Variants in RALA observed in about 807,000 individuals in gnomAD.
The protein encoded by RALA is ras-related protein Ral-A.
RALA carries 5 observed loss-of-function variants against 24.0 expected under a neutral mutation model. The ratio of observed to expected loss-of-function variants is 0.21; its 90% CI spans 0.11 to 0.44. The LOEUF (loss-of-function observed/expected upper bound fraction) is 0.44, where lower values mean the gene tolerates loss of function less well. Ranked by LOEUF, RALA falls within the 20% of genes least tolerant of loss-of-function variation. RALA has a pLI of 0.99. For synonymous variants in RALA, 77 were observed against 83.8 expected, an observed-to-expected ratio of 0.92 and a Z score of 0.44; for missense variants, 95 against 241.2, an observed-to-expected ratio of 0.39 and a Z score of 4.01.
chr7:39,628,016 CT>C (rs530730385), intron 1 of RALA, among the ~76,000 whole-genome samples: 324 of 151,868 alleles, frequency 2.1e-3, no homozygotes, highest in Non-Finnish European at 3.8e-3. Context: ...CCTTATCTCT[CT>C]TCTTGGATGA....
At chr7:39,650,209 AG>A (rs2115966873) in intron 1 of RALA, among the ~76,000 whole-genome samples, 2 of 152,326 alleles carry the variant, frequency 1.3e-5, no homozygotes, top group Non-Finnish European at 2.9e-5. Flanking sequence ...CGGGCTTACT[AG>A]GATCTTGATC....
chr7:39,674,819 CTTT>C (rs11452061), intron 1 of RALA, among the ~76,000 whole-genome samples: 5 of 96,684 alleles, frequency 5.2e-5, no homozygotes, highest in African/African-American at 1.7e-4. Flanking sequence ...TAATTTTATG[CTTT>C]TTTTTTTTTT....
In RALA at chr7:39,675,739, TAAAAAAA is replaced by T. The variant is rs752072089; in HGVS notation, c.-37-10876_-37-10870del. 1.4e-3 allele frequency among the ~76,000 whole-genome samples: 168 copies of T among 116,376 alleles called. 1 individual carries two copies. Among genetic ancestry groups the T allele is most frequent in the African/African-American group, 4.4e-3 (151 of 34,352 alleles). The allele number at this position is 116,376 out of a possible 152,430, so 76.3% of individuals were successfully genotyped here. ...CAGAGTGAGACCATGTCTGGGAAAT[TAAAAAAA>T]AAAAAAAAAAAAAAACTGTATATCT... On this transcript the variant is annotated intron_variant, in intron 1 of 4. Coordinates refer to ENST00000005257, the MANE Select transcript of RALA (RefSeq NM_005402.4).
chr7:39,676,181 T>C (rs147649741), intron 1 of RALA, among the ~76,000 whole-genome samples: 4 of 152,280 alleles, frequency 2.6e-5, no homozygotes, highest in Non-Finnish European at 4.4e-5. Context: ...TCCACTGTGT[T>C]AGCCAGGATG....
rs530038820 is a variant in RALA, at chr7:39,682,842, C to T, written c.-37-3789C>T. Among the ~76,000 whole-genome samples the T allele has an allele frequency of 4.2e-3, 640 of 152,234 alleles. 3 individuals are homozygous for T. Among genetic ancestry groups the T allele is most frequent in the Non-Finnish European group, 6.9e-3 (472 of 68,024 alleles). On this transcript the variant is annotated intron_variant, in intron 1 of 4. Coordinates refer to ENST00000005257, the MANE Select transcript of RALA (RefSeq NM_005402.4). ...TGTATTTTTAGTAGATGTGGGGTTT[C>T]ACCATGTTGGCCAGGCTGGTCTCCT...
intron 1 of RALA, among the ~76,000 whole-genome samples, chr7:39,645,620 C>T (rs1054213785): frequency 5.9e-5 from 9 of 152,138 alleles, no homozygotes; most frequent in African/African-American, 2.2e-4. Context: ...GACATGAGCA[C>T]AAATCTTGTT....
chr7:39,627,864 C>G (rs1237944370), intron 1 of RALA, among the ~76,000 whole-genome samples: 1 of 152,186 alleles, frequency 6.6e-6, no homozygotes, highest in Non-Finnish European at 1.5e-5. Flanking sequence ...TCTTGTGGCT[C>G]TTTTTTGCCC....
chr7:39,626,450 C>A lies in RALA; in HGVS notation c.-38+2625C>A, dbSNP rs554936409. Among the ~76,000 whole-genome samples, 182 of 152,342 alleles carry A rather than the reference C, an allele frequency of 1.2e-3. 1 individual carries two copies. The highest frequency in any genetic ancestry group is 4.1e-3 in the African/African-American group (169 of 41,576). ...CTAAATGGCTGTGGAAAAGGCAGTT[C>A]TGACTGAGCTGGAACTGGAGCTTCA... is the stretch of plus-strand genomic sequence containing the variant. On this transcript the variant is annotated intron_variant, in intron 1 of 4. Transcript: ENST00000005257.
chr7:39,704,727 G>T (rs1793087368), intron 4 of RALA, among the ~76,000 whole-genome samples: 1 of 151,976 alleles, frequency 6.6e-6, no homozygotes, highest in Non-Finnish European at 1.5e-5. Flanking sequence ...CCAGGCTGGA[G>T]TGCAGTGGCA....
intron 1 of RALA, among the ~76,000 whole-genome samples, chr7:39,653,439 C>CCTCAG (rs1792051386): frequency 1.3e-5 from 2 of 152,120 alleles, no homozygotes; most frequent in Non-Finnish European, 1.5e-5. Context: ...CATTCTCCTA[C>CCTCAG]CTCAGCCTTC....
intron 1 of RALA, among the ~76,000 whole-genome samples, chr7:39,641,738 GGATGGT>G (rs539032615): frequency 5.9e-4 from 90 of 152,178 alleles, no homozygotes; most frequent in Middle Eastern, 3.4e-3. Context: ...TATATGATGT[GGATGGT>G]GATGGTGATG....
chr7:39,692,235 A>C (rs1341990319), intron 3 of RALA, among the ~76,000 whole-genome samples: 1 of 152,226 alleles, frequency 6.6e-6, no homozygotes, highest in African/African-American at 2.4e-5. Context: ...TCTGTGATCC[A>C]CAAAATCCAT....
chr7:39,692,612 C>G (rs1180912207), intron 3 of RALA, among the ~76,000 whole-genome samples: 1 of 152,154 alleles, frequency 6.6e-6, no homozygotes. Flanking sequence ...AATCTATTAA[C>G]TCTAAAAAAA....
chr7:39,657,589 C>G (rs1245009820), intron 1 of RALA, among the ~76,000 whole-genome samples: 1 of 152,102 alleles, frequency 6.6e-6, no homozygotes, highest in Non-Finnish European at 1.5e-5. Flanking sequence ...GGTCATTAAC[C>G]TGTCCTCTAT....
intron 1 of RALA, among the ~76,000 whole-genome samples, chr7:39,671,402 C>T (rs1230097053): frequency 6.6e-6 from 1 of 152,144 alleles, no homozygotes; most frequent in East Asian, 1.9e-4. Flanking sequence ...GTGGTAAGGG[C>T]TTTACCTTTG....
chr7:39,703,608 G>A (rs1793066749), intron 4 of RALA, among the ~76,000 whole-genome samples: 1 of 152,156 alleles, frequency 6.6e-6, no homozygotes, highest in Non-Finnish European at 1.5e-5. Flanking sequence ...CCACAGCATA[G>A]TTACATAATT....
At chr7:39,630,943 T>C (rs1791587031) in intron 1 of RALA, among the ~76,000 whole-genome samples, 1 of 152,174 alleles carries the variant, frequency 6.6e-6, no homozygotes, top group Non-Finnish European at 1.5e-5. Flanking sequence ...TTTCTTGCCT[T>C]CTTGTATGAA....
chr7:39,699,121 ATTTTTTTTTT>A (rs71560137), intron 4 of RALA, among the ~76,000 whole-genome samples: 1,178 of 61,270 alleles, frequency 0.019, 21 homozygotes, highest in African/African-American at 0.058. Flanking sequence ...TAAAAATGTT[ATTTTTTTTTT>A]TTTTTTTTTT....
At chr7:39,627,356 C>T (rs1485648964) in intron 1 of RALA, among the ~76,000 whole-genome samples, 1 of 151,852 alleles carries the variant, frequency 6.6e-6, no homozygotes, top group Non-Finnish European at 1.5e-5. Flanking sequence ...CTTTACAAGC[C>T]AAAAAAGGCA....
Sources: allele counts gnomAD v4.1 joint callset (sites outside exome capture counted in the v4.1 genomes callset), GRCh38; gene constraint gnomAD v4.1.1; transcripts MANE v1.5; gene names NCBI Gene and HGNC (gene_info 2026-07-23, HGNC 2026-07-21).